LRRIQ4: variants seen among roughly 807,000 people sequenced by gnomAD.
LRRIQ4 encodes the protein leucine-rich repeat and IQ domain-containing protein 4.
In LRRIQ4, 21 loss-of-function variants were observed where a neutral mutation model predicts 40.1. The ratio of observed to expected loss-of-function variants is 0.52; its 90% confidence interval spans 0.37 to 0.75. LRRIQ4 has a LOEUF of 0.75. Among genes scored for constraint, LRRIQ4 ranks in the 30% least tolerant of loss-of-function variants. The pLI is 0.00. For synonymous variants in LRRIQ4, 277 were observed against 277.1 expected, an observed-to-expected ratio of 1.00 and a Z score of 0.00; for missense variants, 655 against 660.0, an observed-to-expected ratio of 0.99 and a Z score of 0.08.
chr3:169,828,856 CT>C lies in LRRIQ4; in HGVS notation c.1121del (p.Leu374Ter). ...SFPEEVLSLA[S>X]LEKLYIGQDQ... ...CCGGAGGAAGTCCTTTCTTTAGCGT[CT>C]TTAGAGAAATTATACATTGGGCAAG... On this transcript the variant is annotated frameshift_variant, in exon 3 of 6. Transcript: ENST00000340806. LOFTEE classifies it high-confidence loss of function. 6.2e-7 allele frequency: 1 copy of C among 1,613,846 alleles called. No homozygotes were observed. The highest frequency in any genetic ancestry group is 1.1e-5 in the South Asian group (1 of 91,066).
rs753822838 is a variant in LRRIQ4 at position 169,832,993 on chromosome 3, A to G, written c.1340A>G (p.Lys447Arg). The G allele has an allele frequency of 1.9e-6, 3 of 1,607,898 alleles. No individual in the cohort carries two copies. The highest frequency in any genetic ancestry group is 4.5e-5 in the East Asian group (2 of 44,866). ...TACGAAAAAATCTTTTCAGCTTTGAAAGAATTACGGCTGGAGGACAACTTG... is the reference window on the plus strand; with the variant it reads ...TACGAAAAAATCTTTTCAGCTTTGAGAGAATTACGGCTGGAGGACAACTTG... The part of the protein sequence containing the change: ...PDAICQAQAL[K>R]ELRLEDNLLT... Residue 447 changes from lysine to arginine, a missense_variant, in exon 5 of 6, where the codon AAA becomes AGA. Transcript: ENST00000340806.
chr3:169,832,232 G>A (rs950090135), intron 4 of LRRIQ4, among the ~76,000 whole-genome samples: 10 of 152,182 alleles, frequency 6.6e-5, no homozygotes, highest in African/African-American at 2.2e-4. Context: ...CACTTTGGGA[G>A]GCCAAGGCAG....
In LRRIQ4 at chr3:169,822,278, C is replaced by A. The variant is rs1320316596; in HGVS notation, c.357C>A (p.Ala119=). The A allele has an allele frequency of 6.2e-7, 1 of 1,612,972 alleles. No homozygotes were observed. The highest frequency in any genetic ancestry group is 8.5e-7 in the Non-Finnish European group (1 of 1,179,532). ...TTGTCGTTGTCAGCTTCCTCCACGC[C>A]CTGCGCGAGCTCCGGCTCTACCAGA... ...SSLVVVSFLH[A]LRELRLYQTD... Residue 119 remains alanine, a synonymous_variant, in exon 2 of 6, where the codon GCC becomes GCA. Coordinates refer to ENST00000340806, the MANE Select transcript of LRRIQ4 (RefSeq NM_001080460.3).
At position 169,828,931 on chromosome 3, in the gene LRRIQ4, A is replaced by C. The variant is rs768172121; in HGVS notation, c.1193A>C (p.Gln398Pro). 7.5e-6 allele frequency: 12 copies of C among 1,601,706 alleles called. No homozygotes were observed. In the East Asian group the frequency reaches 2.2e-4, roughly 30 times the overall value. ...TYVPEHIRKL[Q>P]SLKELYIENN... ...GTGCCAGAACACATTAGGAAACTGC[A>C]GGTAAGCCTCCCCAAATGAGCAGGC... The change falls in exon 3 of 6, where the codon CAG becomes CCG. Residue 398 changes from glutamine to proline, a missense_variant and splice_region_variant. Transcript: ENST00000340806.
At chr3:169,833,828 G>A (rs1780241049) in intron 5 of LRRIQ4, among the ~76,000 whole-genome samples, 1 of 152,126 alleles carries the variant, frequency 6.6e-6, no homozygotes, top group African/African-American at 2.4e-5. Flanking sequence ...CACTGAAATT[G>A]GCAATCCTCC....
chr3:169,814,262 G>A (rs1053717486), intron 1 of LRRIQ4, among the ~76,000 whole-genome samples: 6 of 152,200 alleles, frequency 3.9e-5, no homozygotes, highest in Middle Eastern at 3.4e-3. Flanking sequence ...GAGTCCGGCC[G>A]CTCAGCAGCC....
chr3:169,819,997 C>G (rs377054848), intron 1 of LRRIQ4, among the ~76,000 whole-genome samples: 2 of 152,140 alleles, frequency 1.3e-5, no homozygotes, highest in African/African-American at 2.4e-5. Context: ...ATAACATTGT[C>G]TCAGAGCTGG....
At chr3:169,833,657 T>C (rs946439118) in intron 5 of LRRIQ4, among the ~76,000 whole-genome samples, 6 of 152,182 alleles carry the variant, frequency 3.9e-5, no homozygotes, top group African/African-American at 1.4e-4. Flanking sequence ...GTAGGACAGG[T>C]CTGGAATGTG....
chr3:169,830,858 G>C lies in LRRIQ4; in HGVS notation c.1333+228G>C, dbSNP rs137887860. 3.7e-3 allele frequency among the ~76,000 whole-genome samples: 562 copies of C among 152,268 alleles called. 2 individuals carry two copies. Among genetic ancestry groups the C allele is most frequent in the Middle Eastern group, 0.014 (4 of 294 alleles). On this transcript the variant is annotated intron_variant, in intron 4 of 5. Transcript: ENST00000340806. ...TTAAGTCATTTATTAAAATGGAAAG[G>C]TAAATAGCGACTGCTAAGAAAATTA... is the stretch of plus-strand genomic sequence containing the variant.
intron 4 of LRRIQ4, among the ~76,000 whole-genome samples, 171 bp from the exon 5 acceptor site, chr3:169,832,816 C>T (rs909089296): frequency 3.7e-4 from 57 of 152,246 alleles, no homozygotes; most frequent in Non-Finnish European, 6.3e-4. Context: ...AAACATAGAG[C>T]TAGAACTTTT....
chr3:169,823,337 A>G (rs1576763603), intron 2 of LRRIQ4, among the ~76,000 whole-genome samples: 1 of 146,516 alleles, frequency 6.8e-6, no homozygotes, highest in Admixed American at 6.9e-5. Flanking sequence ...CAGGGTCTAC[A>G]TTCTTTTTTT....
At chr3:169,836,689 G>A (rs916875898) in intron 5 of LRRIQ4, among the ~76,000 whole-genome samples, 4 of 152,182 alleles carry the variant, frequency 2.6e-5, no homozygotes, top group South Asian at 2.1e-4. Flanking sequence ...AGTTCAGTCC[G>A]TAGCAATGAC....
Position 169,822,413 on chromosome 3 carries a change from G to A in LRRIQ4, c.492G>A (p.Gln164=). 2 of 1,613,384 alleles carry A rather than the reference G, an allele frequency of 1.2e-6. No individual in the cohort carries two copies. Among genetic ancestry groups the A allele is most frequent in the Non-Finnish European group, 1.7e-6 (2 of 1,179,616 alleles). ...LKCLPKEIVN[Q]TKLREIYLKR... is the part of the protein sequence containing the mutation. The stretch of plus-strand genomic sequence containing the variant: ...GTCTGCCCAAGGAAATAGTGAACCA[G>A]ACCAAGCTGAGGGAGATCTACCTGA... Residue 164 remains glutamine (Q), a synonymous_variant, in exon 2 of 6, where the codon CAG becomes CAA. Coordinates refer to ENST00000340806, the MANE Select transcript of LRRIQ4 (RefSeq NM_001080460.3).
At chr3:169,823,652 C>G (rs1779970126) in intron 2 of LRRIQ4, among the ~76,000 whole-genome samples, 2 of 152,090 alleles carry the variant, frequency 1.3e-5, no homozygotes, top group South Asian at 4.1e-4. Flanking sequence ...GGCCCAGGGT[C>G]TATATTCTTA....
At position 169,833,202 on chromosome 3, in the gene LRRIQ4, C is replaced by A. The variant is rs1780226013; in HGVS notation, c.1530+19C>A. The A allele has an allele frequency of 6.3e-7, 1 of 1,599,614 alleles. No homozygotes were observed. Among genetic ancestry groups the A allele is most frequent in the South Asian group, 1.1e-5 (1 of 89,218 alleles). On this transcript the variant is annotated intron_variant, in intron 5 of 5. Coordinates refer to ENST00000340806, the MANE Select transcript of LRRIQ4 (RefSeq NM_001080460.3). ...AACAAAGGTAAAATCAGCCCAGATT[C>A]TTGATAACAGTTGCTTTAGAGGGAG... is the stretch of plus-strand genomic sequence containing the variant.
At chr3:169,826,889 A>G (rs916506483) in intron 2 of LRRIQ4, among the ~76,000 whole-genome samples, 1 of 152,222 alleles carries the variant, frequency 6.6e-6, no homozygotes, top group Non-Finnish European at 1.5e-5. Flanking sequence ...CTGTTACAGC[A>G]TTTTTAGGAA....
chr3:169,813,332 G>A (rs1779674467), intron 1 of LRRIQ4, among the ~76,000 whole-genome samples: 1 of 152,258 alleles, frequency 6.6e-6, no homozygotes, highest in Non-Finnish European at 1.5e-5. Context: ...GAGGGGTAAG[G>A]AAGAGGAGTT....
chr3:169,822,340 A>T lies in LRRIQ4; in HGVS notation c.419A>T (p.Asn140Ile). ...GAAATTCCCGTCGTCATCTTTAAAA[A>T]CCTCCACCATCTCGAGCTGCTCGGA... The part of the protein sequence containing the change: ...LKEIPVVIFK[N>I]LHHLELLGLT... The change falls in exon 2 of 6, where the codon AAC (asparagine) becomes ATC (isoleucine). Residue 140 changes from asparagine (N) to isoleucine (I), a missense_variant. Coordinates refer to ENST00000340806, the MANE Select transcript of LRRIQ4 (RefSeq NM_001080460.3). 6.2e-7 allele frequency: 1 copy of T among 1,612,598 alleles called. No homozygotes were observed.
At chr3:169,815,925 T>C (rs1357028421) in intron 1 of LRRIQ4, among the ~76,000 whole-genome samples, 5 of 152,256 alleles carry the variant, frequency 3.3e-5, no homozygotes, top group African/African-American at 1.2e-4. Flanking sequence ...ATTCTGTTGA[T>C]AGGTTGTATC....
Sources: gnomAD v4.1 joint callset for allele counts (sites outside exome capture counted in the v4.1 genomes callset) on GRCh38, gnomAD v4.1.1 for gene constraint, MANE v1.5 for transcripts, NCBI Gene and HGNC (gene_info 2026-07-23, HGNC 2026-07-21) for gene names.